The following ROBO2 variants were observed in gnomAD, a reference collection of about 807,000 sequenced individuals.
The protein encoded by ROBO2 is roundabout homolog 2.
Under a neutral mutation model 160.8 loss-of-function variants are expected in ROBO2, and 53 were observed. The ratio of observed to expected loss-of-function variants is 0.33; its 90% CI spans 0.26 to 0.41. The LOEUF (loss-of-function observed/expected upper bound fraction) is 0.41. Among genes scored for constraint, ROBO2 ranks in the 10% least tolerant of loss-of-function variants. The pLI is 1.00. For synonymous variants in ROBO2, 664 were observed against 611.7 expected (o/e 1.09, Z -1.26); for missense variants, 1,577 against 1,722.4 (o/e 0.92, Z 1.49).
intron 1 of ROBO2, among the ~76,000 whole-genome samples, chr3:77,085,725 A>G (rs1346813349): frequency 6.6e-6 from 1 of 152,068 alleles, no homozygotes; most frequent in Non-Finnish European, 1.5e-5. Context: ...CTTTCTTTTC[A>G]TCTTTGGGAT....
At chr3:77,025,603 A>T (rs1391561683) in intron 2 of ROBO2, among the ~76,000 whole-genome samples, 1 of 152,224 alleles carries the variant, frequency 6.6e-6, no homozygotes, top group Non-Finnish European at 1.5e-5. Context: ...ATTTCTTTTG[A>T]AATGCAAACA....
At chr3:77,163,056 G>A (rs560985315) in intron 2 of ROBO2, among the ~76,000 whole-genome samples, 4 of 151,892 alleles carry the variant, frequency 2.6e-5, no homozygotes, top group East Asian at 1.9e-4. Flanking sequence ...GGCTGGTCTC[G>A]AACTCCTGAC....
intron 2 of ROBO2, among the ~76,000 whole-genome samples, chr3:76,986,420 T>A (rs942112910): frequency 1.3e-5 from 2 of 152,048 alleles, no homozygotes; most frequent in African/African-American, 4.8e-5. Context: ...TCACCAAAAA[T>A]ATATATATTT....
chr3:76,843,323 G>A (rs2068469893), intron 2 of ROBO2, among the ~76,000 whole-genome samples: 1 of 151,600 alleles, frequency 6.6e-6, no homozygotes, highest in Non-Finnish European at 1.5e-5. Flanking sequence ...CCAGAAGAAG[G>A]GTTGAGAGGG....
intron 2 of ROBO2, among the ~76,000 whole-genome samples, chr3:76,765,035 T>A (rs1010120563): frequency 1.3e-5 from 2 of 151,630 alleles, no homozygotes; most frequent in African/African-American, 2.4e-5. Flanking sequence ...ACCCAATAGG[T>A]AATTTTTCAA....
intron 2 of ROBO2, among the ~76,000 whole-genome samples, chr3:76,624,673 C>T (rs2109330883): frequency 6.6e-6 from 1 of 151,692 alleles, no homozygotes; most frequent in South Asian, 2.1e-4. Flanking sequence ...GGTGGCATCC[C>T]TGTAATCCCA....
chr3:76,133,547 G>A (rs1047982630), intron 2 of ROBO2, among the ~76,000 whole-genome samples: 2 of 152,058 alleles, frequency 1.3e-5, no homozygotes, highest in Non-Finnish European at 1.5e-5. Context: ...AAGCTGAGGA[G>A]CCAGGAAGCC....
chr3:77,374,334 A>C (rs759346840), intron 2 of ROBO2, among the ~76,000 whole-genome samples: 2 of 152,030 alleles, frequency 1.3e-5, no homozygotes, highest in Non-Finnish European at 2.9e-5. Flanking sequence ...TCAAGAATGA[A>C]ATAATAAGTT....
intron 2 of ROBO2, among the ~76,000 whole-genome samples, chr3:76,057,178 A>G (rs887881211): frequency 1.3e-5 from 2 of 152,166 alleles, no homozygotes; most frequent in Non-Finnish European, 2.9e-5. Flanking sequence ...ACGTGCTTCA[A>G]TCTGATACTA....
chr3:76,536,335 T>C (rs2082499829), intron 2 of ROBO2, among the ~76,000 whole-genome samples: 1 of 152,094 alleles, frequency 6.6e-6, no homozygotes, highest in Non-Finnish European at 1.5e-5. Flanking sequence ...CAGATTCCAA[T>C]TTGTGAAGCT....
chr3:75,987,097 T>G (rs1187997729), intron 2 of ROBO2, among the ~76,000 whole-genome samples: 1 of 151,938 alleles, frequency 6.6e-6, no homozygotes, highest in East Asian at 1.9e-4. Flanking sequence ...TATTTCTTTC[T>G]ATAAAAATTG....
At chr3:77,292,583 A>C (rs2061435348) in intron 2 of ROBO2, among the ~76,000 whole-genome samples, 2 of 150,058 alleles carry the variant, frequency 1.3e-5, no homozygotes, top group Non-Finnish European at 3.0e-5. Flanking sequence ...TAAATGGGTA[A>C]GCTGAGGCCA....
chr3:76,497,862 T>C (rs764783881), intron 2 of ROBO2, among the ~76,000 whole-genome samples: 6 of 151,990 alleles, frequency 3.9e-5, no homozygotes, highest in East Asian at 3.9e-4. Flanking sequence ...TCCCAGCATT[T>C]CCAGCATTCC....
rs555785242 is a variant in ROBO2 at position 76,915,822 on chromosome 3, A to C, written c.110-182192A>C. ...AAAAATATCACAAACCAGGAGGCCT[A>C]AACAGCAAATGTTTATTACTCACGG... On this transcript the variant is annotated intron_variant, in intron 2 of 26. Coordinates refer to the ROBO2 transcript ENST00000487694. Among the ~76,000 whole-genome samples, 9 of 152,292 alleles carry C rather than the reference A, an allele frequency of 5.9e-5. No homozygotes were observed. The South Asian group carries it at 1.9e-3, about 32-fold the overall frequency.
At chr3:76,011,326 A>C (rs1436937725) in intron 2 of ROBO2, among the ~76,000 whole-genome samples, 2 of 152,170 alleles carry the variant, frequency 1.3e-5, no homozygotes, top group Non-Finnish European at 2.9e-5. Context: ...ATTCAGGTGG[A>C]CTGAGACCCA....
Position 76,931,642 on chromosome 3 carries a change from T to A in ROBO2, c.110-166372T>A, listed in dbSNP as rs149242715. ...CGGTCATCAGCAATACTTTTAAGTA[T>A]CTTCGTCAGTCTAGTATTATATTTA... On this transcript the variant is annotated intron_variant, in intron 2 of 26. Coordinates refer to the ROBO2 transcript ENST00000487694. Among the ~76,000 whole-genome samples the A allele has an allele frequency of 1.4e-3, 214 of 152,070 alleles. 1 individual carries two copies. Among genetic ancestry groups the A allele is most frequent in the African/African-American group, 4.9e-3 (202 of 41,484 alleles).
At chr3:76,467,540 A>G (rs1217695695) in intron 2 of ROBO2, among the ~76,000 whole-genome samples, 1 of 152,114 alleles carries the variant, frequency 6.6e-6, no homozygotes, top group East Asian at 1.9e-4. Flanking sequence ...TGGTGGAAAG[A>G]CCATTAGAAG....
At chr3:76,909,621 G>A (rs890286768) in intron 2 of ROBO2, among the ~76,000 whole-genome samples, 3 of 152,166 alleles carry the variant, frequency 2.0e-5, no homozygotes, top group Non-Finnish European at 4.4e-5. Context: ...TTCAGTGTCT[G>A]AAACTATTCA....
intron 2 of ROBO2, among the ~76,000 whole-genome samples, chr3:76,453,410 C>T (rs1398393775): frequency 6.6e-6 from 1 of 152,148 alleles, no homozygotes; most frequent in Non-Finnish European, 1.5e-5. Context: ...GCCAGTTTTC[C>T]CAGCACCATT....
Sources: gnomAD v4.1 joint callset for allele counts (sites outside exome capture counted in the v4.1 genomes callset) on GRCh38, gnomAD v4.1.1 for gene constraint, MANE v1.5 for transcripts, NCBI Gene and HGNC (gene_info 2026-07-23, HGNC 2026-07-21) for gene names.